Variants in GRID1 observed in about 807,000 individuals in gnomAD.
GRID1 encodes glutamate ionotropic receptor delta type subunit 1, also known as glutamate receptor ionotropic, delta-1.
A neutral mutation model predicts 98.0 loss-of-function variants in GRID1; 28 were observed. The ratio of observed to expected loss-of-function variants is 0.29; its 90% confidence interval spans 0.21 to 0.39. The LOEUF (loss-of-function observed/expected upper bound fraction) is 0.39. GRID1 is among the 10% of genes least tolerant of loss of function. The pLI is 1.00. For missense variants in GRID1, 1,111 were observed against 1,340.5 expected, an observed-to-expected ratio of 0.83 and a Z score of 2.67; for synonymous variants, 553 against 538.5, an observed-to-expected ratio of 1.03 and a Z score of -0.37.
chr10:85,917,840 C>T lies in GRID1; in HGVS notation c.727-1601G>A, dbSNP rs142651472. 4.0e-3 allele frequency among the ~76,000 whole-genome samples: 607 copies of T among 152,360 alleles called. 4 individuals carry two copies. Among genetic ancestry groups the T allele is most frequent in the African/African-American group, 0.014 (569 of 41,588 alleles). ...CAAACTCAGTTAACCGGGCTCTCTC[C>T]AGAGAAGCTGCAAGGGCTAAAGAGC... On this transcript the variant is annotated intron_variant, in intron 4 of 15. Coordinates refer to ENST00000327946, the MANE Select transcript of GRID1 (RefSeq NM_017551.3).
intron 4 of GRID1, among the ~76,000 whole-genome samples, chr10:85,939,430 A>G (rs1000370990): frequency 1.3e-5 from 2 of 152,206 alleles, no homozygotes; most frequent in African/African-American, 4.8e-5. Context: ...AGCTAAAATC[A>G]AGGTGTTGAC....
At chr10:86,292,195 G>A (rs1847524607) in intron 2 of GRID1, among the ~76,000 whole-genome samples, 1 of 152,216 alleles carries the variant, frequency 6.6e-6, no homozygotes. Flanking sequence ...ACCAAGGGGA[G>A]AAGCCACAAG....
chr10:85,859,886 A>T (rs536241339), intron 6 of GRID1, among the ~76,000 whole-genome samples: 23 of 152,294 alleles, frequency 1.5e-4, no homozygotes, highest in African/African-American at 4.6e-4. Context: ...GGATTCTTGG[A>T]TGAAAAAAAT....
intron 4 of GRID1, among the ~76,000 whole-genome samples, chr10:86,003,278 G>T (rs866811091): frequency 1.3e-5 from 2 of 152,204 alleles, no homozygotes; most frequent in African/African-American, 4.8e-5. Context: ...TTGCTCTTGG[G>T]AAGTCAGGGA....
intron 14 of GRID1, among the ~76,000 whole-genome samples, chr10:85,613,891 A>G (rs1842761354): frequency 2.0e-5 from 3 of 152,108 alleles, no homozygotes; most frequent in African/African-American, 7.2e-5. Flanking sequence ...CTCCCACCCT[A>G]TTCCACTGCC....
At chr10:85,803,406 C>T (rs1328689301) in intron 8 of GRID1, among the ~76,000 whole-genome samples, 2 of 151,966 alleles carry the variant, frequency 1.3e-5, no homozygotes, top group Non-Finnish European at 2.9e-5. Flanking sequence ...AAAAACCCCA[C>T]ATACAAACTT....
chr10:86,336,356 T>C (rs1051767412), intron 2 of GRID1, among the ~76,000 whole-genome samples: 4 of 152,160 alleles, frequency 2.6e-5, no homozygotes, highest in Admixed American at 6.5e-5. Context: ...GATTTCATGA[T>C]GGAATGGAAG....
At chr10:86,312,023 GT>G (rs1358762353) in intron 2 of GRID1, among the ~76,000 whole-genome samples, 6 of 152,234 alleles carry the variant, frequency 3.9e-5, no homozygotes, top group African/African-American at 1.4e-4. Flanking sequence ...GCTGGCCTTT[GT>G]TTCCCAGCAC....
chr10:85,864,007 A>T (rs190703787), intron 6 of GRID1, among the ~76,000 whole-genome samples: 1 of 152,312 alleles, frequency 6.6e-6, no homozygotes, highest in Non-Finnish European at 1.5e-5. Context: ...TTCATTAAGA[A>T]AGGCTGCATT....
intron 12 of GRID1, among the ~76,000 whole-genome samples, chr10:85,705,803 A>C (rs543317495): frequency 1.4e-4 from 21 of 152,300 alleles, no homozygotes; most frequent in African/African-American, 5.1e-4. Context: ...AAGGCTGGTT[A>C]AACATATGCA....
chr10:85,876,818 G>T (rs541361934), intron 5 of GRID1, among the ~76,000 whole-genome samples: 231 of 152,312 alleles, frequency 1.5e-3, no homozygotes, highest in African/African-American at 5.4e-3. Flanking sequence ...TGCCTCACTC[G>T]GAAGTGCAAG....
At chr10:86,012,721 C>T (rs891079271) in intron 4 of GRID1, among the ~76,000 whole-genome samples, 7 of 151,982 alleles carry the variant, frequency 4.6e-5, no homozygotes, top group African/African-American at 1.7e-4. Flanking sequence ...CTCCTGAGAG[C>T]TTTTTTACCC....
At chr10:85,787,577 T>A (rs1441552258) in intron 8 of GRID1, among the ~76,000 whole-genome samples, 1 of 152,172 alleles carries the variant, frequency 6.6e-6, no homozygotes, top group Non-Finnish European at 1.5e-5. Context: ...GGGTGTCTCC[T>A]GCCCAGCCAG....
intron 4 of GRID1, among the ~76,000 whole-genome samples, chr10:85,973,423 CCTT>C: frequency 6.6e-6 from 1 of 152,158 alleles, no homozygotes; most frequent in African/African-American, 2.4e-5. Flanking sequence ...CATTACAAAT[CCTT>C]CTTTTCTCCA....
intron 12 of GRID1, among the ~76,000 whole-genome samples, chr10:85,656,449 A>G (rs1213214251): frequency 6.6e-6 from 1 of 152,200 alleles, no homozygotes; most frequent in Admixed American, 6.5e-5. Context: ...ATGCATCTAT[A>G]CATTGATGAC....
chr10:86,264,947 T>C (rs189281191), intron 2 of GRID1, among the ~76,000 whole-genome samples: 3 of 152,272 alleles, frequency 2.0e-5, no homozygotes, highest in Non-Finnish European at 2.9e-5. Flanking sequence ...AACATAGCTA[T>C]CTGCCATCAA....
intron 4 of GRID1, among the ~76,000 whole-genome samples, chr10:86,130,677 C>T (rs948992158): frequency 1.3e-5 from 2 of 152,226 alleles, no homozygotes; most frequent in Non-Finnish European, 2.9e-5. Context: ...CCACTTCCAT[C>T]TGGCAATAAA....
chr10:85,663,041 A>G (rs1395658645), intron 12 of GRID1, among the ~76,000 whole-genome samples: 1 of 151,712 alleles, frequency 6.6e-6, no homozygotes, highest in East Asian at 1.9e-4. Flanking sequence ...CATGCGGACA[A>G]CTCCTCACAT....
intron 8 of GRID1, among the ~76,000 whole-genome samples, chr10:85,792,225 T>A (rs1311469225): frequency 6.6e-6 from 1 of 152,168 alleles, no homozygotes; most frequent in African/African-American, 2.4e-5. Context: ...TCCGCCCTGA[T>A]GCTCGAAGCT....
Sources: allele counts gnomAD v4.1 joint callset (sites outside exome capture counted in the v4.1 genomes callset), GRCh38; gene constraint gnomAD v4.1.1; transcripts MANE v1.5; gene names NCBI Gene and HGNC (gene_info 2026-07-23, HGNC 2026-07-21).